Variants in ERG observed in about 807,000 individuals in gnomAD.
ERG encodes the protein ETS transcription factor ERG.
Under a neutral mutation model 55.3 loss-of-function variants are expected in ERG, and 9 were observed. The ratio of observed to expected loss-of-function variants is 0.16; its 90% CI spans 0.10 to 0.28. The LOEUF is 0.28. ERG is among the 10% of genes least tolerant of loss of function. The pLI, the probability that ERG is intolerant of heterozygous loss-of-function variation, is 1.00. For synonymous variants in ERG, 223 were observed against 237.3 expected (o/e 0.94, Z 0.55); for missense variants, 434 against 631.6 (o/e 0.69, Z 3.35).
chr21:38,435,837 AGC>A (rs1395510327), intron 2 of ERG, among the ~76,000 whole-genome samples: 13 of 152,296 alleles, frequency 8.5e-5, no homozygotes, highest in South Asian at 2.1e-4. Context: ...GATCTCTACA[AGC>A]AGTTACATGA....
upstream of ERG, among the ~76,000 whole-genome samples, chr21:38,587,849 C>T (rs2060075846): frequency 6.6e-6 from 1 of 152,132 alleles, no homozygotes; most frequent in Non-Finnish European, 1.5e-5. Context: ...GGTTTTTATG[C>T]CAAAACCTCT....
rs1016450077 is a variant in ERG, at chr21:38,414,337, A to G, written c.388+9073T>C. On this transcript the variant is annotated intron_variant, in intron 3 of 9. Transcript: ENST00000288319. Reference sequence around the variant, plus strand: ...CTCATCTTAACTTGATTAAATCTGCAAAACCTCTATTTCCACATAAGGTCA... The same window carrying G: ...CTCATCTTAACTTGATTAAATCTGCGAAACCTCTATTTCCACATAAGGTCA... Among the ~76,000 whole-genome samples, 7 of 152,200 alleles carry G rather than the reference A, an allele frequency of 4.6e-5. No homozygotes were observed. In the South Asian group the frequency reaches 8.3e-4, roughly 18 times the overall value.
At chr21:38,439,877 TTCTC>T (rs1162420967) in intron 2 of ERG, among the ~76,000 whole-genome samples, 1 of 152,222 alleles carries the variant, frequency 6.6e-6, no homozygotes, top group African/African-American at 2.4e-5. Flanking sequence ...AGTCCTTCCT[TTCTC>T]TCAAAGCACA....
intron 2 of ERG, among the ~76,000 whole-genome samples, chr21:38,573,360 G>A (rs945708281): frequency 6.6e-6 from 1 of 152,226 alleles, no homozygotes; most frequent in African/African-American, 2.4e-5. Flanking sequence ...AGTTGAGATA[G>A]AGGAAGGCCA....
At chr21:38,438,357 C>CT (rs567650737) in intron 2 of ERG, among the ~76,000 whole-genome samples, 463 of 152,222 alleles carry the variant, frequency 3.0e-3, no homozygotes, top group Non-Finnish European at 4.7e-3. Context: ...TGAGGCAAAA[C>CT]TTTTTTGTAT....
In ERG at chr21:38,402,651, C is replaced by G. The variant is rs761155993; in HGVS notation, c.593-14G>C. Reference sequence around the variant, plus strand: ...GTGGAAGAGGAGCTACAAAACAAAACAAAAAGCGACATCAAAATGAAAAAA... The same window carrying G: ...GTGGAAGAGGAGCTACAAAACAAAAGAAAAAGCGACATCAAAATGAAAAAA... On this transcript the variant is annotated splice_polypyrimidine_tract_variant and intron_variant, in intron 4 of 9. Transcript: ENST00000288319. The G allele has an allele frequency of 1.4e-5, 14 of 1,009,186 alleles. 1 individual carries two copies. The South Asian group carries it at 3.7e-4, about 26-fold the overall frequency. 62.5% of individuals were successfully genotyped at this position (1,009,186 alleles called of 1,614,324 possible).
chr21:38,475,644 A>T (rs1159764458), intron 1 of ERG, among the ~76,000 whole-genome samples: 2 of 152,100 alleles, frequency 1.3e-5, no homozygotes, highest in South Asian at 4.1e-4. Context: ...TTGCCTGATC[A>T]TGTTCTCTAA....
chr21:38,432,305 G>T (rs1005135398), intron 2 of ERG, among the ~76,000 whole-genome samples: 1 of 151,996 alleles, frequency 6.6e-6, no homozygotes, highest in African/African-American at 2.4e-5. Context: ...TGTTGCCCAG[G>T]CTGGCCTCTA....
intron 3 of ERG, among the ~76,000 whole-genome samples, chr21:38,415,213 A>G (rs1340835223): frequency 6.6e-6 from 1 of 152,176 alleles, no homozygotes; most frequent in East Asian, 1.9e-4. Context: ...CAACTCTCTT[A>G]GCGTTCCTAG....
chr21:38,525,528 A>T (rs2146758276), intron 2 of ERG, among the ~76,000 whole-genome samples: 1 of 151,892 alleles, frequency 6.6e-6, no homozygotes, highest in Admixed American at 6.6e-5. Flanking sequence ...TCCCTCCAAC[A>T]CTTCTTCCAC....
intron 2 of ERG, among the ~76,000 whole-genome samples, chr21:38,429,584 T>G (rs549262605): frequency 3.2e-4 from 24 of 73,860 alleles, no homozygotes; most frequent in East Asian, 2.0e-3. Context: ...CATATATACA[T>G]ATGTGTATAT....
chr21:38,377,072 A>C (rs1987263473), downstream of ERG, among the ~76,000 whole-genome samples: 1 of 152,264 alleles, frequency 6.6e-6, no homozygotes, highest in Non-Finnish European at 1.5e-5. Flanking sequence ...GAAAGCTGTA[A>C]GATTTTTCTG....
At chr21:38,587,519 C>T (rs182873408), upstream of ERG, among the ~76,000 whole-genome samples, 16 of 152,252 alleles carry the variant, frequency 1.1e-4, no homozygotes, top group Non-Finnish European at 1.6e-4. Flanking sequence ...CCACCACACC[C>T]GGCTAATTTT....
At chr21:38,613,922 G>A (rs78057666) in intron 1 of ERG, among the ~76,000 whole-genome samples, 3,819 of 152,266 alleles carry the variant, frequency 0.025, 50 homozygotes, top group East Asian at 0.05. Context: ...GGTCAGTTCA[G>A]GACTTCAGTG....
intron 1 of ERG, among the ~76,000 whole-genome samples, chr21:38,660,111 G>T (rs2060543063): frequency 6.6e-6 from 1 of 151,932 alleles, no homozygotes; most frequent in Non-Finnish European, 1.5e-5. Context: ...GCGCCGTCGG[G>T]GGTCATTCCA....
intron 1 of ERG, among the ~76,000 whole-genome samples, chr21:38,644,310 A>G (rs1486906358): frequency 6.8e-6 from 1 of 146,910 alleles, no homozygotes; most frequent in Non-Finnish European, 1.5e-5. Context: ...ATATATTATA[A>G]CATACTATAA....
At chr21:38,375,050 T>C (rs1382982078), downstream of ERG, among the ~76,000 whole-genome samples, 1 of 152,178 alleles carries the variant, frequency 6.6e-6, no homozygotes, top group Non-Finnish European at 1.5e-5. Context: ...AGTATCCTCA[T>C]ACTCAGAAGC....
At chr21:38,372,908 T>C in the ERG span, among the ~76,000 whole-genome samples, 1 of 152,208 alleles carries the variant, frequency 6.6e-6, no homozygotes, top group Non-Finnish European at 1.5e-5. Context: ...AATTATTTTC[T>C]TCTTGTTATA....
At position 38,498,373 on chromosome 21, in the gene ERG, C is replaced by T; in HGVS notation, c.8G>A (p.Ser3Asn). The T allele has an allele frequency of 6.2e-7, 1 of 1,602,630 alleles. No homozygotes were observed. Reference protein sequence around the residue: MASTIKEALSVVS... With the variant: MANTIKEALSVVS... ...GAACCCTTTCCTTACCTTAATAGTG[C>T]TGGCCATAATGCGATCAAGTTTATT... The change falls in exon 1 of 10, where the codon AGC (serine) becomes AAC (asparagine). Residue 3 changes from serine to asparagine, a missense_variant. Coordinates refer to ENST00000288319, the MANE Select transcript of ERG (RefSeq NM_182918.4). The surrounding 1 kb of genome is among the most constrained non-coding windows in gnomAD (Gnocchi z 4.6).
Sources: gnomAD v4.1 joint callset for allele counts (sites outside exome capture counted in the v4.1 genomes callset) on GRCh38, gnomAD v4.1.1 for gene constraint, Gnocchi (gnomAD v3.1) non-coding constraint, MANE v1.5 for transcripts, NCBI Gene and HGNC (gene_info 2026-07-23, HGNC 2026-07-21) for gene names.